CFB: variants seen among roughly 807,000 people sequenced by gnomAD.
CFB encodes the protein complement factor B.
CFB carries 59 observed loss-of-function variants against 97.2 expected under a neutral mutation model. That is an observed-to-expected ratio of 0.61 (90% confidence interval 0.49 to 0.75). The LOEUF is 0.75. Ranked by LOEUF, CFB falls within the 30% of genes least tolerant of loss-of-function variation. The pLI is 0.00. For synonymous variants in CFB, 316 were observed against 351.7 expected, an observed-to-expected ratio of 0.90 and a Z score of 1.14; for missense variants, 771 against 959.8, an observed-to-expected ratio of 0.80 and a Z score of 2.60.
chr6:31,950,177 T>TG lies in CFB; in HGVS notation c.1506+35dup, dbSNP rs759310494. ...GCACAGAATCCCAGTAGTGGGGACT[T>TG]GGGGGAGGTGAGGTCAAGGTGAAAT... is the stretch of plus-strand genomic sequence containing the variant. On this transcript the variant is annotated intron_variant, in intron 11 of 17. Coordinates refer to ENST00000425368, the MANE Select transcript of CFB (RefSeq NM_001710.6). 64 of 1,611,020 alleles carry TG rather than the reference T, an allele frequency of 4.0e-5. 1 individual carries two copies. The highest frequency in any genetic ancestry group is 1.5e-4 in the Admixed American group (9 of 59,988).
At chr6:31,949,136 A>G in intron 8 of CFB, 107 bp from the exon 9 acceptor site, 1 of 1,428,330 alleles carries the variant, frequency 7.0e-7, no homozygotes, top group East Asian at 2.3e-5. Context: ...CCTGTGATCA[A>G]CTATCTCTAA....
rs759920662 is a variant in CFB, at chr6:31,951,616, CTTTCCT to C, written c.2139+13_2139+18del. On this transcript the variant is annotated intron_variant, in intron 17 of 17. Coordinates refer to ENST00000425368, the MANE Select transcript of CFB (RefSeq NM_001710.6). The surrounding 1 kb of genome is among the most constrained non-coding windows in gnomAD (Gnocchi z 4.3). ...GTCGTTTCATTCAAGTGAGTCCTCCCTTTCCTATCTGGGGAGATGCCAAGTGGTCAG... is the reference window on the plus strand; with the variant it reads ...GTCGTTTCATTCAAGTGAGTCCTCCCATCTGGGGAGATGCCAAGTGGTCAG... 6.2e-7 allele frequency: 1 copy of C among 1,614,090 alleles called. No individual in the cohort carries two copies. The highest frequency in any genetic ancestry group is 1.3e-5 in the African/African-American group (1 of 74,930).
Position 31,952,026 on chromosome 6 carries a change from T to C in CFB, c.2291T>C (p.Leu764Pro). The change falls in exon 18 of 18, where the codon CTA becomes CCA. Residue 764 changes from leucine (L) to proline (P), a missense_variant. By Grantham distance (98) the Leu-to-Pro change is moderately conservative. Coordinates refer to ENST00000425368, the MANE Select transcript of CFB (RefSeq NM_001710.6). ...EKLQDEDLGF[L>P] ...CTCCAAGATGAGGATTTGGGTTTTC[T>C]ATAAGGGGTTTCCTGCTGGACAGGG... 6.2e-7 allele frequency: 1 copy of C among 1,612,860 alleles called. No individual in the cohort carries two copies. Among genetic ancestry groups the C allele is most frequent in the Non-Finnish European group, 8.5e-7 (1 of 1,180,046 alleles).
chr6:31,951,788 G>C lies in CFB; in HGVS notation c.2140-87G>C. 1.2e-6 allele frequency: 2 copies of C among 1,603,418 alleles called. No individual in the cohort carries two copies. The highest frequency in any genetic ancestry group is 1.7e-6 in the Non-Finnish European group (2 of 1,171,590). On this transcript the variant is annotated intron_variant, in intron 17 of 17. Transcript: ENST00000425368. The surrounding 1 kb of genome is among the most constrained non-coding windows in gnomAD (Gnocchi z 4.3). Reference sequence around the variant, plus strand: ...CTGGGTCCCTAGTCTGATTCCTTTAGGTCAGCTAAGACACAAGCAGGAACA... The same window carrying C: ...CTGGGTCCCTAGTCTGATTCCTTTACGTCAGCTAAGACACAAGCAGGAACA...
rs1771728586 is a variant in CFB at position 31,951,044 on chromosome 6, C to A, written c.1855+100C>A. 1.3e-6 allele frequency: 2 copies of A among 1,570,280 alleles called. No individual in the cohort carries two copies. Among genetic ancestry groups the A allele is most frequent in the Non-Finnish European group, 1.8e-6 (2 of 1,142,772 alleles). On this transcript the variant is annotated intron_variant, in intron 14 of 17. Coordinates refer to ENST00000425368, the MANE Select transcript of CFB (RefSeq NM_001710.6). This position sits in a 1 kb window ranked among gnomAD's most constrained non-coding sequence, Gnocchi z 4.3. ...GAAGAGATGATGCCTGGCCCAGAAC[C>A]TAGCTCTAGAAGGGCTTAGGGGACA...
intron 13 of CFB, 31 bp downstream of exon 13, chr6:31,950,803 T>A: frequency 6.2e-7 from 1 of 1,612,940 alleles, no homozygotes; most frequent in Non-Finnish European, 8.5e-7. Context: ...GAGGAAAGGC[T>A]GGGAAAGGCT....
rs1771802537 is a variant in CFB at position 31,951,994 on chromosome 6, G to A, written c.2259G>A (p.Lys753=). 1.2e-6 allele frequency: 2 copies of A among 1,613,084 alleles called. No homozygotes were observed. The highest frequency in any genetic ancestry group is 1.7e-6 in the Non-Finnish European group (2 of 1,180,052). ...INLFQVLPWL[K]EKLQDEDLGF... Reference sequence around the variant, plus strand: ...TCTTTCAAGTGCTGCCCTGGCTGAAGGAGAAACTCCAAGATGAGGATTTGG... The same window carrying A: ...TCTTTCAAGTGCTGCCCTGGCTGAAAGAGAAACTCCAAGATGAGGATTTGG... Residue 753 remains lysine, a synonymous_variant, in exon 18 of 18, where the codon AAG becomes AAA. Transcript: ENST00000425368. The surrounding 1 kb of genome is among the most constrained non-coding windows in gnomAD (Gnocchi z 4.3).
rs1290569375 is a variant in CFB at position 31,947,371 on chromosome 6, A to G, written c.508A>G (p.Ile170Val). The G allele has an allele frequency of 3.1e-6, 5 of 1,612,916 alleles. No individual in the cohort carries two copies. The highest frequency in any genetic ancestry group is 4.2e-6 in the Non-Finnish European group (5 of 1,180,024). ...NGAGYCSNPG[I>V]PIGTRKVGSQ... ...AGCGGGGTACTGCTCCAACCCGGGCATCCCCATTGGCACAAGGAAGGTGGG... is the reference window on the plus strand; with the variant it reads ...AGCGGGGTACTGCTCCAACCCGGGCGTCCCCATTGGCACAAGGAAGGTGGG... The change falls in exon 4 of 18, where the codon ATC becomes GTC. Residue 170 changes from isoleucine to valine, a missense_variant. Transcript: ENST00000425368. The surrounding 1 kb of genome is among the most constrained non-coding windows in gnomAD (Gnocchi z 5.3).
At position 31,951,213 on chromosome 6, in the gene CFB, G is replaced by T. The variant is rs773667445; in HGVS notation, c.1925G>T (p.Arg642Leu). 6.2e-7 allele frequency: 1 copy of T among 1,613,066 alleles called. No individual in the cohort carries two copies. The highest frequency in any genetic ancestry group is 1.1e-5 in the South Asian group (1 of 91,080). The change falls in exon 15 of 18, where the codon CGG (arginine) becomes CTG (leucine). Residue 642 changes from arginine (R) to leucine (L), a missense_variant. By Grantham distance (102) the Arg-to-Leu change is moderately radical. Coordinates refer to ENST00000425368, the MANE Select transcript of CFB (RefSeq NM_001710.6). The surrounding 1 kb of genome is among the most constrained non-coding windows in gnomAD (Gnocchi z 4.3). Reference sequence around the variant, plus strand: ...TCTGAGGAGGAGAAAAAGCTGACTCGGAAGGAGGTCTACATCAAGAATGGG... The same window carrying T: ...TCTGAGGAGGAGAAAAAGCTGACTCTGAAGGAGGTCTACATCAAGAATGGG... Reference protein sequence around the residue: ...FVSEEEKKLTRKEVYIKNGDK... With the variant: ...FVSEEEKKLTLKEVYIKNGDK...
Position 31,951,287 on chromosome 6 carries a change from C to T in CFB, c.1956+43C>T, listed in dbSNP as rs1291450552. On this transcript the variant is annotated intron_variant, in intron 15 of 17. Transcript: ENST00000425368. This position sits in a 1 kb window ranked among gnomAD's most constrained non-coding sequence, Gnocchi z 4.3. ...TAAGGAGGCACTCTAGGCCCCAATC[C>T]TTCCTAAGCCACTTCTGTTCATTAC... The T allele has an allele frequency of 3.1e-6, 5 of 1,613,588 alleles. No homozygotes were observed. Among genetic ancestry groups the T allele is most frequent in the African/African-American group, 2.7e-5 (2 of 74,912 alleles).
chr6:31,949,953 T>C, intron 10 of CFB, 97 bp from the exon 11 acceptor site: 1 of 1,144,654 alleles, frequency 8.7e-7, no homozygotes, highest in East Asian at 2.4e-5. Context: ...CCTTTCTCCT[T>C]TTGGGCCTTT....
At chr6:31,948,623 A>T (rs537160) in intron 7 of CFB, 111 bp downstream of exon 7, 1 of 1,559,578 alleles carries the variant, frequency 6.4e-7, no homozygotes, top group Non-Finnish European at 8.8e-7. Context: ...TGTAGTCAAA[A>T]GTTGAACAGC....
At position 31,947,334 on chromosome 6, in the gene CFB, T is replaced by A. The variant is rs1168809443; in HGVS notation, c.485-14T>A. On this transcript the variant is annotated splice_polypyrimidine_tract_variant and intron_variant, in intron 3 of 17. Transcript: ENST00000425368. The surrounding 1 kb of genome is among the most constrained non-coding windows in gnomAD (Gnocchi z 5.3). The stretch of plus-strand genomic sequence containing the variant: ...AGGCTTCAGTGCTTACCTCGATGTC[T>A]CATACCTCTGCAGCGGGGTACTGCT... The A allele has an allele frequency of 1.2e-6, 2 of 1,612,708 alleles. No homozygotes were observed. The highest frequency in any genetic ancestry group is 2.7e-5 in the African/African-American group (2 of 74,878).
rs772879170 is a variant in CFB at position 31,948,523 on chromosome 6, A to T, written c.1036+11A>T. ...AAATCAATTATGAAGGTCAGAGGTT[A>T]GGGAATGGTGGGAGGTTCACTTTGG... On this transcript the variant is annotated intron_variant, in intron 7 of 17. Coordinates refer to ENST00000425368, the MANE Select transcript of CFB (RefSeq NM_001710.6). 2.9e-5 allele frequency: 47 copies of T among 1,614,072 alleles called. No homozygotes were observed. In the South Asian group the frequency reaches 5.2e-4, roughly 18 times the overall value.
chr6:31,948,085 G>A lies in CFB; in HGVS notation c.897+4G>A. ...TCTAGTCAACTTAATTGAGAAGGTG[G>A]AATCCTCCTATCCCTGAACTCGGGG... On this transcript the variant is annotated splice_donor_region_variant and intron_variant, in intron 6 of 17. Coordinates refer to ENST00000425368, the MANE Select transcript of CFB (RefSeq NM_001710.6). The A allele has an allele frequency of 6.2e-7, 1 of 1,614,016 alleles. No homozygotes were observed.
At position 31,950,521 on chromosome 6, in the gene CFB, A is replaced by C. The variant is rs770924117; in HGVS notation, c.1625-98A>C. 4.0e-5 allele frequency: 63 copies of C among 1,576,104 alleles called. No individual in the cohort carries two copies. The Admixed American group carries it at 4.5e-4, about 11-fold the overall frequency. On this transcript the variant is annotated intron_variant, in intron 12 of 17. Coordinates refer to ENST00000425368, the MANE Select transcript of CFB (RefSeq NM_001710.6). ...TGCAGCCCCATTCCTTGCACCCCAG[A>C]CCAGTCAGGGATGGGGGAAGACGTG...
Position 31,951,630 on chromosome 6 carries a change from G to C in CFB, c.2139+26G>C, listed in dbSNP as rs1582143138. The C allele has an allele frequency of 1.2e-6, 2 of 1,614,140 alleles. No individual in the cohort carries two copies. Among genetic ancestry groups the C allele is most frequent in the East Asian group, 2.2e-5 (1 of 44,890 alleles). On this transcript the variant is annotated intron_variant, in intron 17 of 17. Coordinates refer to ENST00000425368, the MANE Select transcript of CFB (RefSeq NM_001710.6). This position sits in a 1 kb window ranked among gnomAD's most constrained non-coding sequence, Gnocchi z 4.3. ...GTGAGTCCTCCCTTTCCTATCTGGG[G>C]AGATGCCAAGTGGTCAGCATGGGCC...
Position 31,947,463 on chromosome 6 carries a change from C to T in CFB, c.600C>T (p.Ser200=), listed in dbSNP as rs113197809. 12,963 of 1,613,016 alleles carry T rather than the reference C, an allele frequency of 8.0e-3. 165 individuals carry two copies. Among genetic ancestry groups the T allele is most frequent in the South Asian group, 0.023 (2,070 of 91,084 alleles). The part of the protein sequence containing the change: ...HCSRGLTLRG[S]QRRTCQEGGS... ...GCCGGGGGCTTACCCTGCGTGGCTC[C>T]CAGCGGCGAACGTGTCAGGAAGGTG... Residue 200 remains serine (S), a synonymous_variant, in exon 4 of 18, where the codon TCC becomes TCT. Coordinates refer to ENST00000425368, the MANE Select transcript of CFB (RefSeq NM_001710.6). This position sits in a 1 kb window ranked among gnomAD's most constrained non-coding sequence, Gnocchi z 5.3.
intron 11 of CFB, 30 bp downstream of exon 11, chr6:31,950,177 T>A (rs1562630867): frequency 6.2e-7 from 1 of 1,611,138 alleles, no homozygotes; most frequent in Admixed American, 1.7e-5. Context: ...AGTGGGGACT[T>A]GGGGGAGGTG....
Sources: allele counts gnomAD v4.1 joint callset, GRCh38; gene constraint gnomAD v4.1.1; non-coding constraint Gnocchi (gnomAD v3.1); transcripts MANE v1.5; gene names NCBI Gene and HGNC (gene_info 2026-07-23, HGNC 2026-07-21).